The following CCDC9 variants were observed in gnomAD, a reference collection of about 807,000 sequenced individuals.
CCDC9 encodes coiled-coil domain-containing protein 9.
A neutral mutation model predicts 65.6 loss-of-function variants in CCDC9; 52 were observed. The observed-to-expected ratio is 0.79, with a 90% CI of 0.63 to 1.00. CCDC9 has a LOEUF of 1.00. CCDC9 is among the 50% of genes least tolerant of loss of function. The probability of loss-of-function intolerance (pLI) is 0.00; values close to 1 mark genes in which losing one functional copy is unlikely to be tolerated. For synonymous variants in CCDC9, 332 were observed against 280.3 expected, an observed-to-expected ratio of 1.18 and a Z score of -1.84; for missense variants, 834 against 757.2, an observed-to-expected ratio of 1.10 and a Z score of -1.19.
At chr19:47,275,437 T>C (rs906794635), downstream of CCDC9, 16 of 1,436,998 alleles carry the variant, frequency 1.1e-5, no homozygotes, top group Non-Finnish European at 1.5e-5. Flanking sequence ...TGGTCCGGCC[T>C]TCTTCCTAAT....
Position 47,264,857 on chromosome 19 carries a change from G to T in CCDC9, c.631G>T (p.Asp211Tyr). ...RSGPLEESER[D>Y]RREESRRHGR... ...CGGGCCCCTGGAGGAGTCTGAGCGGGACCGCCGGGAGGAGAGCCGCCGGCA... is the reference window on the plus strand; with the variant it reads ...CGGGCCCCTGGAGGAGTCTGAGCGGTACCGCCGGGAGGAGAGCCGCCGGCA... Residue 211 changes from aspartate (D) to tyrosine (Y), a missense_variant, in exon 7 of 12, where the codon GAC (aspartate) becomes TAC (tyrosine). By Grantham distance (160) the Asp-to-Tyr change is radical. Transcript: ENST00000221922. The T allele has an allele frequency of 6.6e-7, 1 of 1,507,950 alleles. No individual in the cohort carries two copies. 93.4% of individuals were successfully genotyped at this position (1,507,950 alleles called of 1,614,324 possible).
chr19:47,275,092 C>T (rs1202758853), downstream of CCDC9: 3 of 1,494,208 alleles, frequency 2.0e-6, no homozygotes, highest in Non-Finnish European at 2.7e-6. Context: ...TGGGTACCCA[C>T]GCGGTCTCCC....
chr19:47,257,279 T>C (rs1175799443), intron 1 of CCDC9, among the ~76,000 whole-genome samples: 3 of 140,550 alleles, frequency 2.1e-5, no homozygotes, highest in African/African-American at 8.1e-5. Flanking sequence ...GGCCAGAGGG[T>C]TGACTGGGCA....
intron 4 of CCDC9, 42 bp from the exon 5 acceptor site, chr19:47,260,546 C>G (rs1200968627): frequency 6.4e-7 from 1 of 1,555,796 alleles, no homozygotes; most frequent in South Asian, 1.2e-5. Context: ...CGCATGCCTC[C>G]CTGCCCCAGT....
At position 47,264,766 on chromosome 19, in the gene CCDC9, C is replaced by T. The variant is rs1398179884; in HGVS notation, c.547-7C>T. ...CCCGCGCCAACCCCCTGCTCTGCTG[C>T]CTGCAGGAAGGGGTTCTTGAACCCA... On this transcript the variant is annotated splice_polypyrimidine_tract_variant and splice_region_variant and intron_variant, in intron 6 of 11. Coordinates refer to ENST00000221922, the MANE Select transcript of CCDC9 (RefSeq NM_015603.3). The T allele has an allele frequency of 1.9e-6, 3 of 1,605,694 alleles. No homozygotes were observed. Among genetic ancestry groups the T allele is most frequent in the Non-Finnish European group, 2.6e-6 (3 of 1,175,790 alleles).
chr19:47,258,357 G>T lies in CCDC9; in HGVS notation c.-44G>T. 6.2e-7 allele frequency: 1 copy of T among 1,611,810 alleles called. No individual in the cohort carries two copies. The highest frequency in any genetic ancestry group is 8.5e-7 in the Non-Finnish European group (1 of 1,177,952). On this transcript the variant is annotated 5_prime_UTR_variant, in exon 2 of 12. Transcript: ENST00000221922. ...ACCCTCAGTGCTGCGTCTAGATTCT[G>T]CAGGGGAGGTTTGCTGGGACCTTGG...
At chr19:47,265,972 C>T (rs528040831) in intron 7 of CCDC9, among the ~76,000 whole-genome samples, 1 of 140,784 alleles carries the variant, frequency 7.1e-6, no homozygotes, top group South Asian at 2.3e-4. Flanking sequence ...AGGCGTGAGC[C>T]ACCGCTCCTG....
chr19:47,262,424 C>T (rs1319685858), intron 5 of CCDC9, among the ~76,000 whole-genome samples: 2 of 151,992 alleles, frequency 1.3e-5, no homozygotes, highest in East Asian at 3.9e-4. Context: ...GCCATGTTGG[C>T]CAGGCTGGCC....
At chr19:47,259,491 G>A (rs1436995335) in intron 3 of CCDC9, among the ~76,000 whole-genome samples, 2 of 152,132 alleles carry the variant, frequency 1.3e-5, no homozygotes, top group African/African-American at 2.4e-5. Flanking sequence ...TCAGGGCAGG[G>A]CTGTTGAGAG....
intron 7 of CCDC9, 106 bp downstream of exon 7, chr19:47,265,052 C>T: frequency 3.9e-6 from 4 of 1,014,074 alleles, no homozygotes; most frequent in Non-Finnish European, 5.2e-6. Flanking sequence ...TTTTTTGTGC[C>T]ACAGCACAGG....
intron 8 of CCDC9, among the ~76,000 whole-genome samples, chr19:47,267,439 T>C (rs2059089528): frequency 6.6e-6 from 1 of 152,038 alleles, no homozygotes; most frequent in South Asian, 2.1e-4. Context: ...TCTGTGTTCA[T>C]GGGTATGCTG....
At chr19:47,261,225 C>G (rs1373959014) in intron 5 of CCDC9, among the ~76,000 whole-genome samples, 1 of 152,084 alleles carries the variant, frequency 6.6e-6, no homozygotes, top group Admixed American at 6.6e-5. Context: ...CACTCATCCT[C>G]CGTCCCCATC....
downstream of CCDC9, chr19:47,275,123 G>A: frequency 6.7e-7 from 1 of 1,491,548 alleles, no homozygotes; most frequent in South Asian, 1.3e-5. Context: ...CCGGCCCACA[G>A]CCCAGCGCGC....
At position 47,260,718 on chromosome 19, in the gene CCDC9, G is replaced by T; in HGVS notation, c.341G>T (p.Gly114Val). The T allele has an allele frequency of 6.3e-7, 1 of 1,584,928 alleles. No homozygotes were observed. Residue 114 changes from glycine (G) to valine (V), a missense_variant, in exon 5 of 12, where the codon GGC (glycine) becomes GTC (valine). Transcript: ENST00000221922. ...GGCCGAGCATCGCGCAGCTGGGAGG[G>T]CAGCCCCGGGGAGCAGCCTCGAGGA... Reference protein sequence around the residue: ...GMGRASRSWEGSPGEQPRGGG... With the variant: ...GMGRASRSWEVSPGEQPRGGG...
chr19:47,258,526 T>C (rs200133167), intron 2 of CCDC9, 33 bp from the exon 3 acceptor site: 16 of 1,601,778 alleles, frequency 1.0e-5, no homozygotes, highest in Middle Eastern at 3.3e-4. Context: ...TGGAGGTTTT[T>C]CCTTCCATCC....
intron 5 of CCDC9, among the ~76,000 whole-genome samples, chr19:47,261,635 C>T (rs1376605399): frequency 6.8e-6 from 1 of 146,300 alleles, no homozygotes; most frequent in Non-Finnish European, 1.5e-5. Context: ...TCACTTAAAC[C>T]TGGGAGGTGG....
downstream of CCDC9, chr19:47,274,826 G>A (rs1328614788): frequency 1.1e-6 from 1 of 901,840 alleles, no homozygotes; most frequent in Non-Finnish European, 1.3e-6. Context: ...GAGGCGGGCG[G>A]TTTAGAGAGC....
At chr19:47,263,811 G>C (rs1326046889) in intron 5 of CCDC9, among the ~76,000 whole-genome samples, 1 of 151,666 alleles carries the variant, frequency 6.6e-6, no homozygotes, top group Non-Finnish European at 1.5e-5. Flanking sequence ...TGATCCACCT[G>C]CCTCGGCCTT....
Position 47,260,655 on chromosome 19 carries a change from GC to G in CCDC9, c.280del (p.Arg94GlyfsTer74). 1.3e-6 allele frequency: 2 copies of G among 1,528,674 alleles called. No homozygotes were observed. Among genetic ancestry groups the G allele is most frequent in the Non-Finnish European group, 1.7e-6 (2 of 1,146,910 alleles). 94.7% of individuals were successfully genotyped at this position (1,528,674 alleles called of 1,614,324 possible). ...TPRPPGASKG[G>X]RTPPQQGGRA... ...CGGCCCCCAGGGGCCAGCAAGGGGG[GC>G]CGGACTCCTCCACAGCAGGGAGGCC... is the stretch of plus-strand genomic sequence containing the variant. On this transcript the variant is annotated frameshift_variant, in exon 5 of 12. Transcript: ENST00000221922. LOFTEE classifies it high-confidence loss of function.
Sources: gnomAD v4.1 joint callset for allele counts (sites outside exome capture counted in the v4.1 genomes callset) on GRCh38, gnomAD v4.1.1 for gene constraint, MANE v1.5 for transcripts, NCBI Gene and HGNC (gene_info 2026-07-23, HGNC 2026-07-21) for gene names.